The following GRIA4 variants were observed in gnomAD, a reference collection of about 807,000 sequenced individuals.
GRIA4 encodes glutamate receptor 4.
In GRIA4, 34 loss-of-function variants were observed where a neutral mutation model predicts 104.0. The observed-to-expected ratio is 0.33, with a 90% confidence interval of 0.25 to 0.44. GRIA4 has a LOEUF of 0.44. GRIA4 is among the 20% of genes least tolerant of loss of function. The pLI, the probability that GRIA4 is intolerant of heterozygous loss-of-function variation, is 1.00. For missense variants in GRIA4, 750 were observed against 1,096.5 expected (o/e 0.68, Z 4.46); for synonymous variants, 386 against 381.9 (o/e 1.01, Z -0.13).
At chr11:105,931,618 T>C (rs1267429904) in intron 13 of GRIA4, among the ~76,000 whole-genome samples, 1 of 151,962 alleles carries the variant, frequency 6.6e-6, no homozygotes, top group Non-Finnish European at 1.5e-5. Context: ...GACAGGAGAA[T>C]TGCTTGAACC....
At chr11:105,750,987 T>G (rs1462065464) in intron 3 of GRIA4, among the ~76,000 whole-genome samples, 1 of 152,136 alleles carries the variant, frequency 6.6e-6, no homozygotes, top group African/African-American at 2.4e-5. Flanking sequence ...GGTTTTCAAG[T>G]GGCATACTTT....
At chr11:105,883,272 G>A (rs1351035872) in intron 5 of GRIA4, among the ~76,000 whole-genome samples, 8 of 133,228 alleles carry the variant, frequency 6.0e-5, no homozygotes, top group East Asian at 5.5e-4. Flanking sequence ...TAGTTGCACC[G>A]TTTCTTTTTT....
At chr11:105,653,029 A>C (rs1951727394) in intron 3 of GRIA4, among the ~76,000 whole-genome samples, 1 of 152,060 alleles carries the variant, frequency 6.6e-6, no homozygotes, top group African/African-American at 2.4e-5. Context: ...CTCCTGCCTC[A>C]GCCTCCCGAG....
intron 3 of GRIA4, among the ~76,000 whole-genome samples, chr11:105,728,169 G>A (rs1036474256): frequency 6.6e-6 from 1 of 152,178 alleles, no homozygotes. Flanking sequence ...AAAATAAAGG[G>A]ATGCAGGAAT....
chr11:105,672,547 C>T (rs1404488624), intron 3 of GRIA4, among the ~76,000 whole-genome samples: 8 of 152,136 alleles, frequency 5.3e-5, no homozygotes, highest in Non-Finnish European at 8.8e-5. Flanking sequence ...GTCTATGAAA[C>T]TTTCCCAGAC....
At chr11:105,896,062 T>C (rs2136122698) in intron 6 of GRIA4, among the ~76,000 whole-genome samples, 1 of 152,340 alleles carries the variant, frequency 6.6e-6, no homozygotes, top group East Asian at 1.9e-4. Context: ...TTTTATTTTT[T>C]CCCTTTTCTC....
At chr11:105,679,885 G>A (rs899697489) in intron 3 of GRIA4, among the ~76,000 whole-genome samples, 1 of 152,066 alleles carries the variant, frequency 6.6e-6, no homozygotes, top group Non-Finnish European at 1.5e-5. Context: ...TATTCCTGAA[G>A]GGTTTGGGCC....
Position 105,682,041 on chromosome 11 carries a change from T to TATA in GRIA4, c.247+69627_247+69629dup, listed in dbSNP as rs569161082. Among the ~76,000 whole-genome samples the TATA allele has an allele frequency of 4.5e-3, 676 of 151,362 alleles. 3 individuals are homozygous for TATA. The highest frequency in any genetic ancestry group is 0.013 in the African/African-American group (522 of 41,262). On this transcript the variant is annotated intron_variant, in intron 3 of 16. Transcript: ENST00000282499. ...GGCAACAGAGCCAGACTCTGTCTAA[T>TATA]ATAATAATAATAATAATAATAACAA...
chr11:105,732,415 T>C (rs2135615854), intron 3 of GRIA4, among the ~76,000 whole-genome samples: 1 of 152,224 alleles, frequency 6.6e-6, no homozygotes, highest in African/African-American at 2.4e-5. Flanking sequence ...AGCCGTGTGT[T>C]TCTGGAGGGA....
chr11:105,957,729 C>A (rs1948628542), intron 14 of GRIA4, among the ~76,000 whole-genome samples: 1 of 152,160 alleles, frequency 6.6e-6, no homozygotes, highest in Non-Finnish European at 1.5e-5. Context: ...GATGTTAATT[C>A]TTCCTATCCA....
At chr11:105,956,091 T>C (rs1310720701) in intron 14 of GRIA4, among the ~76,000 whole-genome samples, 2 of 152,202 alleles carry the variant, frequency 1.3e-5, no homozygotes, top group African/African-American at 2.4e-5. Context: ...ACCCTGGTGA[T>C]AGTTCTTTTG....
intron 5 of GRIA4, among the ~76,000 whole-genome samples, chr11:105,879,524 C>A (rs1194293531): frequency 6.6e-6 from 1 of 152,184 alleles, no homozygotes; most frequent in African/African-American, 2.4e-5. Flanking sequence ...GTTATTTAAG[C>A]TTTTCTGCTA....
At chr11:105,629,002 T>G (rs1310361593) in intron 3 of GRIA4, among the ~76,000 whole-genome samples, 1 of 148,034 alleles carries the variant, frequency 6.8e-6, no homozygotes, top group Non-Finnish European at 1.5e-5. Flanking sequence ...GGATACAAAA[T>G]CAATGTGCAA....
chr11:105,937,846 G>A (rs775085891), intron 14 of GRIA4, among the ~76,000 whole-genome samples: 24 of 152,192 alleles, frequency 1.6e-4, no homozygotes, highest in Admixed American at 2.6e-4. Flanking sequence ...TGGAAAAAAT[G>A]AGGCCCAGTT....
chr11:105,796,981 C>T (rs1234893492), intron 4 of GRIA4, among the ~76,000 whole-genome samples: 1 of 152,056 alleles, frequency 6.6e-6, no homozygotes, highest in African/African-American at 2.4e-5. Flanking sequence ...TCTGTAATCC[C>T]AGACTTTGGG....
At chr11:105,926,688 TTCTC>T (rs1426183187) in intron 12 of GRIA4, 49 bp from the exon 13 acceptor site, 2 of 1,079,190 alleles carry the variant, frequency 1.9e-6, no homozygotes, top group Admixed American at 1.8e-5. Flanking sequence ...TTTCTTTTCT[TTCTC>T]TATGTTGGTT....
Position 105,979,946 on chromosome 11 carries a change from G to C in GRIA4, c.*207G>C. The stretch of plus-strand genomic sequence containing the variant: ...AACCCAAACTCAGATTTTATATCAG[G>C]AAAACTCACAATTGAGGTTTTTTTC... On this transcript the variant is annotated 3_prime_UTR_variant, in exon 17 of 17. Transcript: ENST00000282499. The C allele has an allele frequency of 2.7e-6, 1 of 367,810 alleles. No homozygotes were observed. Among genetic ancestry groups the C allele is most frequent in the East Asian group, 4.5e-5 (1 of 22,134 alleles). The allele number at this position is 367,810 out of a possible 1,614,324, so 22.8% of individuals were successfully genotyped here. A position where few individuals can be genotyped will look rare whatever the true frequency, so the allele number is the denominator to read the frequency against.
chr11:105,715,531 T>C (rs185763358), intron 3 of GRIA4, among the ~76,000 whole-genome samples: 2 of 152,292 alleles, frequency 1.3e-5, no homozygotes, highest in Admixed American at 6.5e-5. Context: ...AGGTCATTAA[T>C]ATCAATACAA....
chr11:105,918,983 C>A, intron 11 of GRIA4, 65 bp downstream of exon 11: 2 of 956,284 alleles, frequency 2.1e-6, no homozygotes, highest in Non-Finnish European at 3.4e-6. Context: ...CCCTTGGGCA[C>A]ATAACAATTT....
Sources: gnomAD v4.1 joint callset for allele counts (sites outside exome capture counted in the v4.1 genomes callset) on GRCh38, gnomAD v4.1.1 for gene constraint, MANE v1.5 for transcripts, NCBI Gene and HGNC (gene_info 2026-07-23, HGNC 2026-07-21) for gene names.